The following DLGAP4 variants were observed in gnomAD, a reference collection of about 807,000 sequenced individuals.
DLGAP4 encodes the protein DLG associated protein 4, also known as disks large-associated protein 4.
A neutral mutation model predicts 86.9 loss-of-function variants in DLGAP4; 18 were observed. That is an observed-to-expected ratio of 0.21 (90% CI 0.14 to 0.31). The LOEUF is 0.31. Among genes scored for constraint, DLGAP4 ranks in the 10% least tolerant of loss-of-function variants. DLGAP4 has a pLI of 1.00. For synonymous variants in DLGAP4, 548 were observed against 574.3 expected, an observed-to-expected ratio of 0.95 and a Z score of 0.65; for missense variants, 1,085 against 1,362.6, an observed-to-expected ratio of 0.80 and a Z score of 3.21.
At chr20:36,314,927 GGT>G (rs1673803885) in intron 1 of DLGAP4, among the ~76,000 whole-genome samples, 1 of 128,738 alleles carries the variant, frequency 7.8e-6, no homozygotes, top group African/African-American at 2.9e-5. Context: ...ATGCGTATGT[GGT>G]GTGTGTGTGC....
chr20:36,523,584 T>A (rs2037513852), intron 10 of DLGAP4, among the ~76,000 whole-genome samples: 1 of 152,234 alleles, frequency 6.6e-6, no homozygotes, highest in Non-Finnish European at 1.5e-5. Context: ...TTTTAATACC[T>A]CAGCTGTAAA....
chr20:36,520,859 G>A (rs1249613438), intron 10 of DLGAP4, among the ~76,000 whole-genome samples: 1 of 151,578 alleles, frequency 6.6e-6, no homozygotes, highest in Non-Finnish European at 1.5e-5. Context: ...TTGAGACAGA[G>A]TCTCCCTCTG....
At chr20:36,494,984 G>GGTT (rs2035821067) in intron 7 of DLGAP4, among the ~76,000 whole-genome samples, 2 of 75,390 alleles carry the variant, frequency 2.7e-5, no homozygotes, top group East Asian at 4.9e-4. Context: ...TTTTTGTTCG[G>GGTT]TTTTTTTTTT....
chr20:36,365,897 C>G (rs1420088970), intron 1 of DLGAP4, among the ~76,000 whole-genome samples: 1 of 152,200 alleles, frequency 6.6e-6, no homozygotes, highest in African/African-American at 2.4e-5. Flanking sequence ...GAGTTCAAAT[C>G]CCGACCTACC....
intron 1 of DLGAP4, among the ~76,000 whole-genome samples, chr20:36,333,446 T>C (rs2065290710): frequency 6.6e-6 from 1 of 152,068 alleles, no homozygotes; most frequent in South Asian, 2.1e-4. Flanking sequence ...TGGATTCCCG[T>C]GCATGTTTCA....
At chr20:36,465,472 C>T (rs1395893956) in intron 7 of DLGAP4, 1 of 152,490 alleles carries the variant, frequency 6.6e-6, no homozygotes, top group African/African-American at 2.4e-5. Context: ...TCTCCACAGC[C>T]CGCAGCGTTT....
At chr20:36,348,419 T>C (rs2030016842) in intron 1 of DLGAP4, among the ~76,000 whole-genome samples, 1 of 145,336 alleles carries the variant, frequency 6.9e-6, no homozygotes, top group Non-Finnish European at 1.5e-5. Context: ...GCTTACTTTC[T>C]TTTTTTTTTC....
intron 10 of DLGAP4, among the ~76,000 whole-genome samples, chr20:36,506,100 CA>C (rs1255220597): frequency 1.3e-5 from 2 of 152,086 alleles, no homozygotes; most frequent in Non-Finnish European, 2.9e-5. Flanking sequence ...ACTCTTACAG[CA>C]CATCTTAATT....
chr20:36,359,984 G>C (rs115079070), intron 1 of DLGAP4, among the ~76,000 whole-genome samples: 1,699 of 152,202 alleles, frequency 0.011, 34 homozygotes, highest in African/African-American at 0.039. Context: ...CCTGGGTAGG[G>C]GCATGCGTCC....
chr20:36,316,024 A>G (rs2065095876), intron 1 of DLGAP4, among the ~76,000 whole-genome samples: 1 of 152,170 alleles, frequency 6.6e-6, no homozygotes, highest in Non-Finnish European at 1.5e-5. Context: ...CTGGTCCTGG[A>G]GGCCAGCGGG....
intron 7 of DLGAP4, among the ~76,000 whole-genome samples, chr20:36,471,098 C>T (rs1428622761): frequency 2.0e-5 from 3 of 152,102 alleles, no homozygotes; most frequent in Non-Finnish European, 2.9e-5. Context: ...TTAAAAGGCA[C>T]CCCGCCTTCA....
intron 10 of DLGAP4, among the ~76,000 whole-genome samples, chr20:36,514,805 GAA>G (rs1342677641): frequency 3.3e-5 from 5 of 152,108 alleles, no homozygotes; most frequent in Non-Finnish European, 5.9e-5. Flanking sequence ...ATGCTGGAGA[GAA>G]AACAGGCAAC....
At chr20:36,526,594 T>G (rs1275501461) in intron 12 of DLGAP4, among the ~76,000 whole-genome samples, 1 of 151,946 alleles carries the variant, frequency 6.6e-6, no homozygotes, top group Non-Finnish European at 1.5e-5. Flanking sequence ...GCTCGAGCGC[T>G]CTCGGAGTCT....
intron 1 of DLGAP4, among the ~76,000 whole-genome samples, chr20:36,355,368 G>A (rs1053713960): frequency 1.3e-5 from 2 of 151,076 alleles, no homozygotes; most frequent in South Asian, 4.2e-4. Context: ...CACGATCGTG[G>A]TTCACTGCAG....
intron 4 of DLGAP4, 32 bp downstream of exon 4, chr20:36,436,382 C>G: frequency 6.4e-7 from 1 of 1,555,304 alleles, no homozygotes; most frequent in Non-Finnish European, 8.7e-7. Context: ...TACGGTCCCG[C>G]CCAGAGGCAA....
intron 2 of DLGAP4, among the ~76,000 whole-genome samples, chr20:36,394,542 T>G (rs1273874649): frequency 6.6e-6 from 1 of 152,162 alleles, no homozygotes; most frequent in East Asian, 1.9e-4. Flanking sequence ...GTGTGGGCTG[T>G]GGTGCGTGTG....
chr20:36,439,939 G>T (rs1304682752), intron 5 of DLGAP4, 71 bp downstream of exon 5: 3 of 1,334,320 alleles, frequency 2.2e-6, no homozygotes, highest in Admixed American at 1.9e-5. Context: ...GAGGACACAC[G>T]CCCAGGCCCA....
intron 2 of DLGAP4, among the ~76,000 whole-genome samples, chr20:36,422,349 C>T (rs2032854069): frequency 6.6e-6 from 1 of 152,156 alleles, no homozygotes; most frequent in Non-Finnish European, 1.5e-5. Context: ...TCTGTTAATG[C>T]AACCTTAGAC....
At chr20:36,517,429 G>A (rs1600704335) in intron 10 of DLGAP4, among the ~76,000 whole-genome samples, 1 of 151,948 alleles carries the variant, frequency 6.6e-6, no homozygotes, top group South Asian at 2.1e-4. Flanking sequence ...ACCACACCCG[G>A]TTATTTTTTG....
Sources: allele counts gnomAD v4.1 joint callset (sites outside exome capture counted in the v4.1 genomes callset), GRCh38; gene constraint gnomAD v4.1.1; transcripts MANE v1.5; gene names NCBI Gene and HGNC (gene_info 2026-07-23, HGNC 2026-07-21).